ATXN1: variants seen among roughly 807,000 people sequenced by gnomAD.
The protein encoded by ATXN1 is ataxin 1, also known as ataxin-1.
ATXN1 carries 8 observed loss-of-function variants against 56.4 expected under a neutral mutation model. The observed-to-expected ratio is 0.14, with a 90% CI of 0.08 to 0.26. ATXN1 has a LOEUF of 0.26. ATXN1 is among the 10% of genes least tolerant of loss of function. The pLI is 1.00. For missense variants in ATXN1, 987 were observed against 1,106.5 expected (o/e 0.89, Z 1.53); for synonymous variants, 514 against 494.6 (o/e 1.04, Z -0.52).
chr6:16,533,391 G>A (rs953105308), intron 4 of ATXN1, among the ~76,000 whole-genome samples: 2 of 152,138 alleles, frequency 1.3e-5, no homozygotes, highest in African/African-American at 4.8e-5. Flanking sequence ...AGTGTTCCAG[G>A]AAATCGGCTT....
intron 6 of ATXN1, among the ~76,000 whole-genome samples, chr6:16,450,156 G>T (rs1759725548): frequency 6.6e-6 from 1 of 152,212 alleles, no homozygotes; most frequent in African/African-American, 2.4e-5. Flanking sequence ...GTACCTGTGG[G>T]TGATCACTGC....
chr6:16,742,867 C>T (rs1028372409), intron 2 of ATXN1, among the ~76,000 whole-genome samples: 3 of 152,180 alleles, frequency 2.0e-5, no homozygotes, highest in Admixed American at 6.5e-5. Context: ...GGTACCTTAA[C>T]CTAAATCTAA....
intron 6 of ATXN1, among the ~76,000 whole-genome samples, chr6:16,454,154 A>AAAAAAAC (rs1759819515): frequency 7.0e-6 from 1 of 142,446 alleles, no homozygotes; most frequent in Admixed American, 7.1e-5. Flanking sequence ...AAAAAAAAAA[A>AAAAAAAC]CAGAAGAATT....
intron 6 of ATXN1, among the ~76,000 whole-genome samples, chr6:16,390,300 T>C (rs550546051): frequency 1.3e-5 from 2 of 152,304 alleles, no homozygotes; most frequent in African/African-American, 4.8e-5. Flanking sequence ...CAGTATCTGT[T>C]GTCCTATCAC....
chr6:16,696,787 C>G lies in ATXN1; in HGVS notation c.-614-38886G>C, dbSNP rs139939284. On this transcript the variant is annotated intron_variant, in intron 2 of 7. Transcript: ENST00000436367. ...CATAAAGCCCCTCCAGCTTAGGCGA[C>G]CTGAGAGAATTTTTAAAACCCTCTT... is the stretch of plus-strand genomic sequence containing the variant. 5.8e-3 allele frequency among the ~76,000 whole-genome samples: 890 copies of G among 152,216 alleles called. 8 individuals are homozygous for G. Among genetic ancestry groups the G allele is most frequent in the Non-Finnish European group, 6.1e-3 (418 of 68,016 alleles).
intron 6 of ATXN1, among the ~76,000 whole-genome samples, chr6:16,408,177 A>C (rs1758725629): frequency 6.6e-6 from 1 of 152,162 alleles, no homozygotes; most frequent in Non-Finnish European, 1.5e-5. Flanking sequence ...ACCACTCAGG[A>C]ATAGAGAGGA....
At chr6:16,522,756 A>C (rs1257403421) in intron 4 of ATXN1, 68 bp from the exon 5 acceptor site, 1 of 152,258 alleles carries the variant, frequency 6.6e-6, no homozygotes, top group Non-Finnish European at 1.5e-5. Flanking sequence ...CCAAATGAGC[A>C]GGCCTAGAGG....
chr6:16,434,980 C>A lies in ATXN1; in HGVS notation c.-161+50992G>T, dbSNP rs138898571. Among the ~76,000 whole-genome samples the A allele has an allele frequency of 6.0e-3, 917 of 152,058 alleles. 9 individuals are homozygous for A. Among genetic ancestry groups the A allele is most frequent in the African/African-American group, 0.021 (875 of 41,482 alleles). ...TAGGACTAGAATGGTGATAGTGGGC[C>A]GGAAGAGAGAGAGTGCATTCGAAAG... On this transcript the variant is annotated intron_variant, in intron 6 of 7. Coordinates refer to ENST00000436367, the MANE Select transcript of ATXN1 (RefSeq NM_001128164.2).
At chr6:16,726,354 CTG>C (rs1759849118) in intron 2 of ATXN1, among the ~76,000 whole-genome samples, 1 of 136,458 alleles carries the variant, frequency 7.3e-6, no homozygotes, top group African/African-American at 2.8e-5. Flanking sequence ...GCACTCCAGT[CTG>C]GGTGGCAGAG....
In ATXN1 at chr6:16,302,660, T is replaced by TATTA. The variant is rs1189657883; in HGVS notation, c.*3665_*3668dup. ...GAGAGGTTCTTGTTTGTTGGTTTCT[T>TATTA]ATTAATAGTATTATTTTTTTCTTTT... On this transcript the variant is annotated 3_prime_UTR_variant, in exon 8 of 8. Coordinates refer to ENST00000436367, the MANE Select transcript of ATXN1 (RefSeq NM_001128164.2). The TATTA allele has an allele frequency of 5.2e-5, 8 of 152,772 alleles. No homozygotes were observed. The highest frequency in any genetic ancestry group is 1.9e-4 in the African/African-American group (8 of 41,578). The allele number at this position is 152,772 out of a possible 1,614,324, so 9.5% of individuals were successfully genotyped here. A position where few individuals can be genotyped will look rare whatever the true frequency, so the allele number is the denominator to read the frequency against.
intron 3 of ATXN1, among the ~76,000 whole-genome samples, chr6:16,620,541 C>A (rs1763302271): frequency 6.6e-6 from 1 of 152,074 alleles, no homozygotes. Flanking sequence ...ATCCTAGGAT[C>A]CTAAGAAATT....
chr6:16,578,540 T>C (rs573427467), intron 4 of ATXN1, among the ~76,000 whole-genome samples: 2 of 152,354 alleles, frequency 1.3e-5, no homozygotes, highest in South Asian at 2.1e-4. Context: ...AGAGTTTTCC[T>C]TTCTGGTCAG....
intron 6 of ATXN1, among the ~76,000 whole-genome samples, chr6:16,430,886 A>G (rs549232438): frequency 3.3e-5 from 5 of 152,342 alleles, no homozygotes; most frequent in Non-Finnish European, 5.9e-5. Flanking sequence ...ACATTATCAA[A>G]AGCCTCTCTA....
chr6:16,530,785 C>T (rs1256705023), intron 4 of ATXN1, among the ~76,000 whole-genome samples: 2 of 152,162 alleles, frequency 1.3e-5, no homozygotes, highest in African/African-American at 4.8e-5. Flanking sequence ...AGAAAACATC[C>T]ACACATAGAA....
chr6:16,554,297 A>G (rs1346136113), intron 4 of ATXN1, among the ~76,000 whole-genome samples: 1 of 152,244 alleles, frequency 6.6e-6, no homozygotes, highest in Non-Finnish European at 1.5e-5. Flanking sequence ...CTAAAAATCT[A>G]CTATGCGTTT....
rs577067078 is a variant in ATXN1, at chr6:16,378,692, G to A, written c.-160-50222C>T. The stretch of plus-strand genomic sequence containing the variant: ...TCCCACCTCAGCCTCCTGAGTAGCT[G>A]GGACTACAGGTGCACACCACCACCC... On this transcript the variant is annotated intron_variant, in intron 6 of 7. Transcript: ENST00000436367. 1.9e-4 allele frequency among the ~76,000 whole-genome samples: 29 copies of A among 152,036 alleles called. No homozygotes were observed. In the South Asian group the frequency reaches 4.2e-3, roughly 22 times the overall value.
At chr6:16,673,167 C>T (rs1758583143) in intron 2 of ATXN1, among the ~76,000 whole-genome samples, 1 of 108,846 alleles carries the variant, frequency 9.2e-6, no homozygotes, top group African/African-American at 3.8e-5. Context: ...ACCTGCAGAA[C>T]TGTCAGATAA....
At chr6:16,643,784 G>A (rs1056975887) in intron 3 of ATXN1, among the ~76,000 whole-genome samples, 2 of 151,978 alleles carry the variant, frequency 1.3e-5, no homozygotes, top group African/African-American at 2.4e-5. Flanking sequence ...GAAAGAGTTC[G>A]ATCGTTTGTT....
rs536676089 is a variant in ATXN1, at chr6:16,337,260, G to C, written c.-160-8790C>G. 7.2e-5 allele frequency among the ~76,000 whole-genome samples: 11 copies of C among 152,326 alleles called. No individual in the cohort carries two copies. In the East Asian group the frequency reaches 2.1e-3, roughly 29 times the overall value. Reference sequence around the variant, plus strand: ...TTCGTAGTGAGCAGATGACAGTTCTGGGGGTGCAGTTAGTGAGCTCTGCCA... The same window carrying C: ...TTCGTAGTGAGCAGATGACAGTTCTCGGGGTGCAGTTAGTGAGCTCTGCCA... On this transcript the variant is annotated intron_variant, in intron 6 of 7. Transcript: ENST00000436367.
Sources: gnomAD v4.1 joint callset for allele counts (sites outside exome capture counted in the v4.1 genomes callset) on GRCh38, gnomAD v4.1.1 for gene constraint, MANE v1.5 for transcripts, NCBI Gene and HGNC (gene_info 2026-07-23, HGNC 2026-07-21) for gene names.